The following GPD1L variants were observed in gnomAD, a reference collection of about 807,000 sequenced individuals.
GPD1L encodes glycerol-3-phosphate dehydrogenase 1-like protein.
Under a neutral mutation model 32.9 loss-of-function variants are expected in GPD1L, and 17 were observed. The observed-to-expected ratio is 0.52, with a 90% CI of 0.35 to 0.78. The LOEUF is 0.78. Among genes scored for constraint, GPD1L ranks in the 30% least tolerant of loss-of-function variants. The pLI is 0.01. For missense variants in GPD1L, 361 were observed against 447.8 expected (o/e 0.81, Z 1.75); for synonymous variants, 187 against 165.9 (o/e 1.13, Z -0.98).
At position 32,140,452 on chromosome 3, in the gene GPD1L, T is replaced by C. The variant is rs577447009; in HGVS notation, c.505+86T>C. 233 of 1,447,568 alleles carry C rather than the reference T, an allele frequency of 1.6e-4. 1 individual carries two copies. The South Asian group carries it at 2.4e-3, about 15-fold the overall frequency. 89.7% of individuals were successfully genotyped at this position (1,447,568 alleles called of 1,614,324 possible). A position where few individuals can be genotyped will look rare whatever the true frequency, so the allele number is the denominator to read the frequency against. On this transcript the variant is annotated intron_variant, in intron 4 of 7. Transcript: ENST00000282541. ...ATTCCATTTCTGATATTTTCTGTAA[T>C]AGACTCTTCCCTGTCCCTCTTAACA...
chr3:32,124,762 C>A (rs1700482066), intron 1 of GPD1L, among the ~76,000 whole-genome samples: 1 of 151,968 alleles, frequency 6.6e-6, no homozygotes, highest in Non-Finnish European at 1.5e-5. Flanking sequence ...TTCATCTCTA[C>A]AAAAACTTTT....
chr3:32,117,589 CA>C (rs1700350502), intron 1 of GPD1L, among the ~76,000 whole-genome samples: 1 of 152,202 alleles, frequency 6.6e-6, no homozygotes, highest in South Asian at 2.1e-4. Flanking sequence ...GTTATGTCAA[CA>C]GAGACCAAGT....
intron 5 of GPD1L, among the ~76,000 whole-genome samples, chr3:32,150,472 T>C (rs749822119): frequency 2.6e-5 from 4 of 151,548 alleles, no homozygotes; most frequent in Non-Finnish European, 4.4e-5. Flanking sequence ...TTTTAAATAG[T>C]CTAGTGGTCT....
At chr3:32,114,486 A>C (rs1343610641) in intron 1 of GPD1L, among the ~76,000 whole-genome samples, 2 of 152,234 alleles carry the variant, frequency 1.3e-5, no homozygotes, top group East Asian at 1.9e-4. Context: ...AGGATACTTC[A>C]TATCCAACCA....
intron 3 of GPD1L, among the ~76,000 whole-genome samples, chr3:32,139,184 C>T (rs944976636): frequency 9.9e-5 from 15 of 152,200 alleles, no homozygotes; most frequent in African/African-American, 3.6e-4. Flanking sequence ...TGCATTCTAA[C>T]TCATTTTAAC....
At chr3:32,160,512 A>T (rs1701061349) in intron 7 of GPD1L, among the ~76,000 whole-genome samples, 1 of 57,494 alleles carries the variant, frequency 1.7e-5, no homozygotes, top group Non-Finnish European at 2.9e-5. Context: ...GCATGGGTAG[A>T]TGGGTGAGTG....
At chr3:32,140,173 C>G in intron 3 of GPD1L, 55 bp from the exon 4 acceptor site, 4 of 1,598,882 alleles carry the variant, frequency 2.5e-6, no homozygotes, top group Non-Finnish European at 2.6e-6. Flanking sequence ...TCTACTATCC[C>G]ATGCCTCTTT....
At chr3:32,122,353 A>G (rs1312346019) in intron 1 of GPD1L, among the ~76,000 whole-genome samples, 1 of 152,186 alleles carries the variant, frequency 6.6e-6, no homozygotes, top group Non-Finnish European at 1.5e-5. Flanking sequence ...CAATTCATTT[A>G]TGCTCTTTGG....
At chr3:32,136,868 G>T (rs926893476) in intron 2 of GPD1L, among the ~76,000 whole-genome samples, 2 of 152,170 alleles carry the variant, frequency 1.3e-5, no homozygotes, top group African/African-American at 4.8e-5. Flanking sequence ...AAGAGAAAGT[G>T]TAGAGGAGGC....
chr3:32,155,426 A>G (rs1241851996), intron 5 of GPD1L, among the ~76,000 whole-genome samples: 2 of 152,072 alleles, frequency 1.3e-5, no homozygotes, highest in African/African-American at 4.8e-5. Context: ...CCCTTGTTGA[A>G]CAGAAGTCCA....
At chr3:32,139,956 T>C (rs1297634913) in intron 3 of GPD1L, among the ~76,000 whole-genome samples, 1 of 152,186 alleles carries the variant, frequency 6.6e-6, no homozygotes, top group Non-Finnish European at 1.5e-5. Flanking sequence ...TGGTTCACCC[T>C]GGGGAGCAGG....
At chr3:32,122,991 ACCT>A in intron 1 of GPD1L, among the ~76,000 whole-genome samples, 1 of 151,906 alleles carries the variant, frequency 6.6e-6, no homozygotes, top group Middle Eastern at 3.4e-3. Flanking sequence ...TGCAGCCTTG[ACCT>A]CCTGGGCTCA....
intron 4 of GPD1L, 22 bp from the exon 5 acceptor site, chr3:32,146,600 T>C (rs1379559677): frequency 7.4e-7 from 1 of 1,345,120 alleles, no homozygotes; most frequent in African/African-American, 1.4e-5. Flanking sequence ...ATTAATATCC[T>C]TGTTGTCTAA....
At chr3:32,114,798 T>A (rs1046879818) in intron 1 of GPD1L, among the ~76,000 whole-genome samples, 14 of 152,184 alleles carry the variant, frequency 9.2e-5, no homozygotes, top group Non-Finnish European at 2.9e-5. Flanking sequence ...TCCAGTGGGT[T>A]CGTGGTCTCG....
rs905648634 is a variant in GPD1L at position 32,164,796 on chromosome 3, C to A, written c.960-1018C>A. Among the ~76,000 whole-genome samples, 3 of 152,174 alleles carry A rather than the reference C, an allele frequency of 2.0e-5. No individual in the cohort carries two copies. In the South Asian group the frequency reaches 6.2e-4, roughly 32 times the overall value. On this transcript the variant is annotated intron_variant, in intron 7 of 7. Coordinates refer to ENST00000282541, the MANE Select transcript of GPD1L (RefSeq NM_015141.4). ...CATAAAGACATGTGATCTATTAGTA[C>A]TATTTGTTCTTCTTAAAAATTATCA...
At chr3:32,129,083 GT>G (rs1428054799) in intron 2 of GPD1L, among the ~76,000 whole-genome samples, 1 of 152,210 alleles carries the variant, frequency 6.6e-6, no homozygotes, top group Admixed American at 6.5e-5. Context: ...CCTGCTGCTT[GT>G]CTGAGTGGAA....
At chr3:32,159,475 A>G in intron 6 of GPD1L, 93 bp from the exon 7 acceptor site, 3 of 880,348 alleles carry the variant, frequency 3.4e-6, no homozygotes, top group East Asian at 2.7e-5. Flanking sequence ...TAAAAAAAAA[A>G]AAAAAGAAAA....
At chr3:32,111,662 G>GAT (rs1396554065) in intron 1 of GPD1L, among the ~76,000 whole-genome samples, 1 of 152,150 alleles carries the variant, frequency 6.6e-6, no homozygotes, top group Non-Finnish European at 1.5e-5. Context: ...GAGAGAGGCT[G>GAT]ATAGACAGCT....
Position 32,159,621 on chromosome 3 carries a change from G to A in GPD1L, c.906G>A (p.Pro302=), listed in dbSNP as rs200045526. Residue 302 remains proline (P), a synonymous_variant, in exon 7 of 8, where the codon CCG becomes CCA. Coordinates refer to ENST00000282541, the MANE Select transcript of GPD1L (RefSeq NM_015141.4). ...EMLNGQKLQG[P]QTSAEVYRIL... ...TGAATGGGCAAAAGCTCCAAGGACC[G>A]CAGACTTCTGCTGAAGTGTACCGCA... 7.5e-5 allele frequency: 121 copies of A among 1,612,708 alleles called. 3 individuals carry two copies. The highest frequency in any genetic ancestry group is 1.9e-4 in the African/African-American group (14 of 74,892).
Sources: allele counts gnomAD v4.1 joint callset (sites outside exome capture counted in the v4.1 genomes callset), GRCh38; gene constraint gnomAD v4.1.1; transcripts MANE v1.5; gene names NCBI Gene and HGNC (gene_info 2026-07-23, HGNC 2026-07-21).